Variants in SOX6 observed in about 807,000 individuals in gnomAD.
SOX6 encodes SRY-box transcription factor 6, also known as transcription factor SOX-6.
In SOX6, 11 loss-of-function variants were observed where a neutral mutation model predicts 97.8. The ratio of observed to expected loss-of-function variants is 0.11; its 90% confidence interval spans 0.07 to 0.19. SOX6 has a LOEUF of 0.19. Ranked by LOEUF, SOX6 falls within the 10% of genes least tolerant of loss-of-function variation. The probability of loss-of-function intolerance (pLI) is 1.00; values close to 1 mark genes in which losing one functional copy is unlikely to be tolerated. For synonymous variants in SOX6, 360 were observed against 371.4 expected, an observed-to-expected ratio of 0.97 and a Z score of 0.35; for missense variants, 810 against 1,039.5, an observed-to-expected ratio of 0.78 and a Z score of 3.04.
At chr11:16,386,861 G>A (rs746552007) in intron 1 of SOX6, among the ~76,000 whole-genome samples, 20 of 152,106 alleles carry the variant, frequency 1.3e-4, no homozygotes, top group Middle Eastern at 3.4e-3. Context: ...AGAAAGGTAC[G>A]ACATACATTT....
intron 3 of SOX6, among the ~76,000 whole-genome samples, chr11:16,705,219 T>C (rs180703085): frequency 1.3e-5 from 2 of 151,030 alleles, no homozygotes; most frequent in Non-Finnish European, 1.5e-5. Context: ...AATCATGCCA[T>C]TGCACTCCTG....
intron 1 of SOX6, among the ~76,000 whole-genome samples, chr11:16,442,697 T>C (rs1239245837): frequency 6.6e-6 from 1 of 152,130 alleles, no homozygotes; most frequent in Non-Finnish European, 1.5e-5. Context: ...AGGACCATTT[T>C]AAGGAAAAAT....
At chr11:16,306,261 A>G (rs1252707649) in intron 3 of SOX6, among the ~76,000 whole-genome samples, 1 of 152,212 alleles carries the variant, frequency 6.6e-6, no homozygotes, top group African/African-American at 2.4e-5. Context: ...ATTATTTCCT[A>G]TAGCTTCATG....
intron 6 of SOX6, among the ~76,000 whole-genome samples, chr11:16,154,446 C>T (rs1850544866): frequency 6.6e-6 from 1 of 152,032 alleles, no homozygotes; most frequent in South Asian, 2.1e-4. Context: ...TATTAAAACT[C>T]CTTATTTTAA....
chr11:16,004,496 AT>A (rs991407343), intron 13 of SOX6, among the ~76,000 whole-genome samples: 10 of 151,376 alleles, frequency 6.6e-5, no homozygotes, highest in South Asian at 2.1e-4. Flanking sequence ...GCAGAAACTA[AT>A]TTTTTTTTAA....
intron 3 of SOX6, among the ~76,000 whole-genome samples, chr11:16,637,151 T>C (rs1010389877): frequency 6.6e-6 from 1 of 152,208 alleles, no homozygotes; most frequent in African/African-American, 2.4e-5. Flanking sequence ...CCCATTCATT[T>C]ATATTCTTAA....
chr11:16,232,573 A>C (rs1159205266), intron 4 of SOX6, among the ~76,000 whole-genome samples: 2 of 152,096 alleles, frequency 1.3e-5, no homozygotes, highest in Non-Finnish European at 2.9e-5. Context: ...ATTCAAAATT[A>C]GACTTAAATA....
chr11:16,282,761 G>T (rs1854603528), intron 3 of SOX6, among the ~76,000 whole-genome samples: 1 of 150,922 alleles, frequency 6.6e-6, no homozygotes, highest in Admixed American at 6.6e-5. Flanking sequence ...AATATCAATT[G>T]TCAAAATATG....
chr11:15,976,070 T>C (rs777938216), intron 15 of SOX6, among the ~76,000 whole-genome samples: 25 of 152,308 alleles, frequency 1.6e-4, no homozygotes, highest in Admixed American at 7.8e-4. Context: ...TAAAAGCCAG[T>C]GAGGGTAAAA....
chr11:16,203,954 T>A (rs1039646462), intron 4 of SOX6, among the ~76,000 whole-genome samples: 2 of 151,894 alleles, frequency 1.3e-5, no homozygotes, highest in Non-Finnish European at 2.9e-5. Context: ...ATTAGTAAAG[T>A]GAAAAAAAAT....
chr11:16,146,709 T>C (rs1850314184), intron 6 of SOX6, among the ~76,000 whole-genome samples: 1 of 152,090 alleles, frequency 6.6e-6, no homozygotes, highest in African/African-American at 2.4e-5. Context: ...AACAGACACT[T>C]CTCAAAAGAA....
chr11:16,688,662 T>C (rs776651426), intron 3 of SOX6, among the ~76,000 whole-genome samples: 22 of 152,202 alleles, frequency 1.4e-4, no homozygotes, highest in Non-Finnish European at 2.8e-4. Context: ...GTCTTTCCTC[T>C]AGCTTTTTGA....
Position 15,970,929 on chromosome 11 carries a change from C to G in SOX6, c.*1880G>C, listed in dbSNP as rs1564885476. ...CTGGGGGAAGCCCCCCGATAGACAA[C>G]CTGTCCTAGTTTCAGGAAGGCCAAA... On this transcript the variant is annotated 3_prime_UTR_variant, in exon 16 of 16. Transcript: ENST00000683767. 6.6e-6 allele frequency: 1 copy of G among 152,604 alleles called. No individual in the cohort carries two copies. Among genetic ancestry groups the G allele is most frequent in the East Asian group, 1.9e-4 (1 of 5,198 alleles). The allele number at this position is 152,604 out of a possible 1,614,324, so 9.5% of individuals were successfully genotyped here. A position where few individuals can be genotyped will look rare whatever the true frequency, so the allele number is the denominator to read the frequency against.
chr11:16,515,684 T>C (rs1479362382), intron 4 of SOX6, among the ~76,000 whole-genome samples: 1 of 119,206 alleles, frequency 8.4e-6, no homozygotes, highest in African/African-American at 3.2e-5. Context: ...GTTTTAGGTC[T>C]AACGTTTAAG....
chr11:16,623,062 C>G (rs775107990), intron 3 of SOX6, among the ~76,000 whole-genome samples: 26 of 151,810 alleles, frequency 1.7e-4, no homozygotes, highest in Admixed American at 5.9e-4. Context: ...AGTCTGTCAC[C>G]CAGCCTGGAG....
intron 3 of SOX6, among the ~76,000 whole-genome samples, chr11:16,274,268 T>C (rs971992774): frequency 3.3e-5 from 5 of 152,092 alleles, no homozygotes; most frequent in African/African-American, 1.2e-4. Flanking sequence ...CCTTGGTTTC[T>C]TCTTTTCTAT....
chr11:16,567,940 T>C (rs1847893514), intron 4 of SOX6, among the ~76,000 whole-genome samples: 1 of 151,858 alleles, frequency 6.6e-6, no homozygotes, highest in Admixed American at 6.6e-5. Context: ...GATTGCTTAA[T>C]GATACCACAT....
intron 1 of SOX6, among the ~76,000 whole-genome samples, chr11:16,451,484 T>C (rs1859714793): frequency 6.6e-6 from 1 of 152,128 alleles, no homozygotes; most frequent in Admixed American, 6.5e-5. Context: ...CACCACATAG[T>C]ATTATCCAGC....
intron 3 of SOX6, among the ~76,000 whole-genome samples, chr11:16,684,090 A>G (rs1407406754): frequency 2.0e-5 from 3 of 152,112 alleles, no homozygotes; most frequent in Non-Finnish European, 4.4e-5. Flanking sequence ...GGAAACAACA[A>G]ATGCTGGAGA....
Sources: allele counts gnomAD v4.1 joint callset (sites outside exome capture counted in the v4.1 genomes callset), GRCh38; gene constraint gnomAD v4.1.1; transcripts MANE v1.5; gene names NCBI Gene and HGNC (gene_info 2026-07-23, HGNC 2026-07-21).